Variants in ARHGAP15 observed in about 807,000 individuals in gnomAD.
ARHGAP15 encodes rho GTPase-activating protein 15.
ARHGAP15 carries 51 observed loss-of-function variants against 63.7 expected under a neutral mutation model. The observed-to-expected ratio is 0.80, with a 90% CI of 0.64 to 1.01. The LOEUF is 1.01. Among genes scored for constraint, ARHGAP15 ranks in the 50% least tolerant of loss-of-function variants. The pLI, the probability that ARHGAP15 is intolerant of heterozygous loss-of-function variation, is 0.00. For synonymous variants in ARHGAP15, 191 were observed against 193.8 expected (o/e 0.99, Z 0.12); for missense variants, 560 against 564.6 (o/e 0.99, Z 0.08).
At chr2:143,215,488 TA>T (rs1287075196) in intron 3 of ARHGAP15, among the ~76,000 whole-genome samples, 2 of 152,100 alleles carry the variant, frequency 1.3e-5, no homozygotes, top group Non-Finnish European at 2.9e-5. Context: ...CTATTTCAGC[TA>T]GGGGGATAAC....
Position 143,624,136 on chromosome 2 carries a change from A to G in ARHGAP15, c.1007A>G (p.Glu336Gly), listed in dbSNP as rs775609897. The G allele has an allele frequency of 2.5e-6, 4 of 1,613,360 alleles. No individual in the cohort carries two copies. Among genetic ancestry groups the G allele is most frequent in the Non-Finnish European group, 3.4e-6 (4 of 1,179,530 alleles). Residue 336 changes from glutamate to glycine, a missense_variant, in exon 12 of 14, where the codon GAG (glutamate) becomes GGG (glycine). By Grantham distance (98) the Glu-to-Gly change is moderately conservative. Transcript: ENST00000295095. The part of the protein sequence containing the change: ...QKLRFIVNQE[E>G]KLNLDDSQWE... ...ATTTCTCCTCGTGTTTTCCCAGAAG[A>G]GAAGCTGAATTTGGACGACAGCCAG... is the stretch of plus-strand genomic sequence containing the variant.
At chr2:143,485,152 G>A (rs1333176106) in intron 8 of ARHGAP15, among the ~76,000 whole-genome samples, 1 of 152,128 alleles carries the variant, frequency 6.6e-6, no homozygotes, top group Non-Finnish European at 1.5e-5. Context: ...GTATACATGT[G>A]CCATGGTGGT....
At chr2:143,543,167 T>C (rs1695179091) in intron 10 of ARHGAP15, among the ~76,000 whole-genome samples, 1 of 152,054 alleles carries the variant, frequency 6.6e-6, no homozygotes, top group Non-Finnish European at 1.5e-5. Context: ...ACCAATAATA[T>C]AAAAGGGTTT....
intron 10 of ARHGAP15, among the ~76,000 whole-genome samples, chr2:143,522,458 T>A (rs1232516873): frequency 6.6e-6 from 1 of 152,196 alleles, no homozygotes; most frequent in South Asian, 2.1e-4. Flanking sequence ...AACTTATGTT[T>A]CTTTTTTGAA....
intron 11 of ARHGAP15, among the ~76,000 whole-genome samples, chr2:143,558,093 G>A (rs941874851): frequency 3.9e-5 from 6 of 152,104 alleles, no homozygotes; most frequent in African/African-American, 1.2e-4. Context: ...AGTCAAAAGT[G>A]TCTTCAGAAG....
intron 13 of ARHGAP15, among the ~76,000 whole-genome samples, chr2:143,727,597 C>G (rs2105476583): frequency 6.6e-6 from 1 of 152,266 alleles, no homozygotes; most frequent in East Asian, 1.9e-4. Flanking sequence ...CATAGATATA[C>G]TTTAGACAGA....
At chr2:143,538,875 C>T (rs1694906089) in intron 10 of ARHGAP15, among the ~76,000 whole-genome samples, 1 of 152,178 alleles carries the variant, frequency 6.6e-6, no homozygotes, top group Non-Finnish European at 1.5e-5. Flanking sequence ...GCTTTGGTAT[C>T]AGGACGATGC....
intron 13 of ARHGAP15, among the ~76,000 whole-genome samples, chr2:143,763,042 T>G (rs1686816781): frequency 6.6e-6 from 1 of 152,158 alleles, no homozygotes; most frequent in African/African-American, 2.4e-5. Context: ...AGCCTTTTAT[T>G]TCTTCCAGCA....
At chr2:143,287,341 C>T (rs1682155992) in intron 6 of ARHGAP15, among the ~76,000 whole-genome samples, 1 of 152,144 alleles carries the variant, frequency 6.6e-6, no homozygotes. Context: ...TTCTTCCTTT[C>T]TCAAAATCCA....
At chr2:143,298,107 T>A (rs1198060940) in intron 6 of ARHGAP15, among the ~76,000 whole-genome samples, 1 of 151,994 alleles carries the variant, frequency 6.6e-6, no homozygotes, top group Non-Finnish European at 1.5e-5. Context: ...GGCATCTATT[T>A]ATCTATCAAT....
At chr2:143,411,471 G>A (rs1373643717) in intron 6 of ARHGAP15, among the ~76,000 whole-genome samples, 2 of 152,006 alleles carry the variant, frequency 1.3e-5, no homozygotes, top group South Asian at 2.1e-4. Context: ...CTTTGCTTCC[G>A]TTAACTTCTC....
At chr2:143,526,657 C>T (rs763119870) in intron 10 of ARHGAP15, among the ~76,000 whole-genome samples, 2 of 152,012 alleles carry the variant, frequency 1.3e-5, no homozygotes, top group Non-Finnish European at 2.9e-5. Context: ...TAAAAATAAT[C>T]TTGGCTGAAA....
intron 6 of ARHGAP15, among the ~76,000 whole-genome samples, chr2:143,396,631 A>C (rs1235035574): frequency 6.7e-6 from 1 of 148,892 alleles, no homozygotes; most frequent in African/African-American, 2.5e-5. Context: ...TTTTTTTTTT[A>C]ATCTAAACGG....
intron 6 of ARHGAP15, among the ~76,000 whole-genome samples, chr2:143,300,437 G>A (rs1415431317): frequency 1.3e-5 from 2 of 151,966 alleles, no homozygotes; most frequent in Admixed American, 6.6e-5. Flanking sequence ...GTCCATATAG[G>A]ATCCTCAGTG....
Position 143,413,971 on chromosome 2 carries a change from G to GTGCGCGCA in ARHGAP15, c.475-21630_475-21629insTGCGCGCA, listed in dbSNP as rs1688572273. Among the ~76,000 whole-genome samples, 2 of 147,640 alleles carry GTGCGCGCA rather than the reference G, an allele frequency of 1.4e-5. 1 individual carries two copies. Among genetic ancestry groups the GTGCGCGCA allele is most frequent in the South Asian group, 4.3e-4 (2 of 4,622 alleles). Reference sequence around the variant, plus strand: ...TGTGTGTGTGTGTGTGTGTGTGCGCGCTCTCTGGCAGAAAGTTAATCTGAA... The same window carrying GTGCGCGCA: ...TGTGTGTGTGTGTGTGTGTGTGCGCGTGCGCGCACTCTCTGGCAGAAAGTTAATCTGAA... On this transcript the variant is annotated intron_variant, in intron 6 of 13. Transcript: ENST00000295095.
chr2:143,358,602 A>G (rs1456978288), intron 6 of ARHGAP15, among the ~76,000 whole-genome samples: 2 of 151,570 alleles, frequency 1.3e-5, no homozygotes, highest in Non-Finnish European at 2.9e-5. Flanking sequence ...TGGACCTTAT[A>G]GAAGGAAAAT....
chr2:143,513,726 T>C (rs943872602), intron 9 of ARHGAP15, among the ~76,000 whole-genome samples: 2 of 152,218 alleles, frequency 1.3e-5, no homozygotes, highest in African/African-American at 4.8e-5. Flanking sequence ...CTCAAGTAAC[T>C]GCATCTCTGT....
At chr2:143,284,642 G>A (rs1052094749) in intron 6 of ARHGAP15, among the ~76,000 whole-genome samples, 1 of 152,192 alleles carries the variant, frequency 6.6e-6, no homozygotes, top group African/African-American at 2.4e-5. Flanking sequence ...CACTTACATA[G>A]TGTTCTGAAA....
chr2:143,390,594 C>G (rs1687492042), intron 6 of ARHGAP15, among the ~76,000 whole-genome samples: 1 of 152,094 alleles, frequency 6.6e-6, no homozygotes, highest in Admixed American at 6.6e-5. Context: ...TGCTCTGCCC[C>G]ACTCTCCGCT....
Sources: gnomAD v4.1 joint callset for allele counts (sites outside exome capture counted in the v4.1 genomes callset) on GRCh38, gnomAD v4.1.1 for gene constraint, MANE v1.5 for transcripts, NCBI Gene and HGNC (gene_info 2026-07-23, HGNC 2026-07-21) for gene names.